Variants in MCC observed in about 807,000 individuals in gnomAD.
The protein encoded by MCC is MCC regulator of Wnt signaling pathway.
MCC carries 90 observed loss-of-function variants against 116.2 expected under a neutral mutation model. That is an observed-to-expected ratio of 0.77 (90% CI 0.65 to 0.92). The LOEUF (loss-of-function observed/expected upper bound fraction) is 0.92, where lower values mean the gene tolerates loss of function less well. Among genes scored for constraint, MCC ranks in the 40% least tolerant of loss-of-function variants. The pLI, the probability that MCC is intolerant of heterozygous loss-of-function variation, is 0.00. For synonymous variants in MCC, 578 were observed against 510.5 expected, an observed-to-expected ratio of 1.13 and a Z score of -1.78; for missense variants, 1,516 against 1,312.2, an observed-to-expected ratio of 1.16 and a Z score of -2.40.
chr5:113,073,908 A>C (rs977553680), intron 11 of MCC, among the ~76,000 whole-genome samples: 2 of 152,222 alleles, frequency 1.3e-5, no homozygotes, highest in Non-Finnish European at 2.9e-5. Context: ...AGCCCACCGC[A>C]GTTCAAGGAG....
chr5:113,030,363 C>G (rs1415195904), intron 17 of MCC, among the ~76,000 whole-genome samples: 1 of 152,092 alleles, frequency 6.6e-6, no homozygotes, highest in African/African-American at 2.4e-5. Flanking sequence ...CCGAAATGCT[C>G]TGCTTGAAAA....
At chr5:113,172,019 C>T (rs1411452813) in intron 3 of MCC, among the ~76,000 whole-genome samples, 5 of 152,156 alleles carry the variant, frequency 3.3e-5, no homozygotes. Context: ...ACTATGGGAG[C>T]ACTGAGGGGG....
At chr5:113,076,406 C>G (rs6594675) in intron 11 of MCC, among the ~76,000 whole-genome samples, 69,477 of 151,982 alleles carry the variant, frequency 0.46, 17,477 homozygotes, top group African/African-American at 0.69. Flanking sequence ...AGGGCAGCCA[C>G]AGAGAAAGGT....
intron 1 of MCC, among the ~76,000 whole-genome samples, chr5:113,474,562 A>G (rs1396302276): frequency 6.6e-6 from 1 of 152,190 alleles, no homozygotes; most frequent in Non-Finnish European, 1.5e-5. Context: ...ACTTATCTGT[A>G]AGGAACAGGC....
At chr5:113,462,993 G>A (rs530358557) in intron 1 of MCC, among the ~76,000 whole-genome samples, 2 of 152,270 alleles carry the variant, frequency 1.3e-5, no homozygotes, top group East Asian at 1.9e-4. Context: ...AATATTAAAA[G>A]AAAGAAGATA....
intron 3 of MCC, among the ~76,000 whole-genome samples, chr5:113,282,769 T>A (rs544028729): frequency 7.2e-5 from 11 of 152,276 alleles, no homozygotes; most frequent in African/African-American, 2.6e-4. Context: ...CAATCAAGCA[T>A]GAAAATAAAT....
chr5:113,228,590 AG>A (rs1763831363), intron 3 of MCC, among the ~76,000 whole-genome samples: 1 of 152,164 alleles, frequency 6.6e-6, no homozygotes, highest in East Asian at 1.9e-4. Flanking sequence ...AGGTGGTGGT[AG>A]GGGTAGGGTA....
chr5:113,094,789 C>G (rs1755904880), intron 8 of MCC, among the ~76,000 whole-genome samples: 1 of 152,134 alleles, frequency 6.6e-6, no homozygotes, highest in Non-Finnish European at 1.5e-5. Flanking sequence ...CAAGAGCTAG[C>G]CTTGAAGCAG....
At chr5:113,199,023 C>G (rs1762559841) in intron 3 of MCC, among the ~76,000 whole-genome samples, 1 of 152,046 alleles carries the variant, frequency 6.6e-6, no homozygotes, top group East Asian at 1.9e-4. Flanking sequence ...CAAAAATTAG[C>G]CAGGCATGGT....
chr5:113,251,060 A>C (rs1764782473), intron 3 of MCC, among the ~76,000 whole-genome samples: 1 of 152,202 alleles, frequency 6.6e-6, no homozygotes, highest in African/African-American at 2.4e-5. Flanking sequence ...TAACAATACA[A>C]TCAAAAGTGT....
intron 6 of MCC, among the ~76,000 whole-genome samples, chr5:113,111,469 C>T (rs1168233765): frequency 6.6e-6 from 1 of 152,190 alleles, no homozygotes; most frequent in Non-Finnish European, 1.5e-5. Context: ...GCACCCTGAG[C>T]TCCTGGGATA....
At chr5:113,404,600 G>C (rs1769781306) in intron 1 of MCC, among the ~76,000 whole-genome samples, 1 of 152,198 alleles carries the variant, frequency 6.6e-6, no homozygotes, top group Non-Finnish European at 1.5e-5. Flanking sequence ...TCCATTTCTA[G>C]AAATGTATCC....
At chr5:113,409,032 G>C (rs190457078) in intron 1 of MCC, among the ~76,000 whole-genome samples, 4 of 152,312 alleles carry the variant, frequency 2.6e-5, no homozygotes, top group African/African-American at 9.6e-5. Context: ...GCCTGCTAAA[G>C]AGTAATAAAT....
At chr5:113,082,389 C>A (rs558933085) in intron 11 of MCC, among the ~76,000 whole-genome samples, 1 of 152,218 alleles carries the variant, frequency 6.6e-6, no homozygotes, top group Admixed American at 6.5e-5. Flanking sequence ...TTTCCAGTAG[C>A]TCCAAGTGCC....
At chr5:113,243,342 G>C (rs780826420) in intron 3 of MCC, among the ~76,000 whole-genome samples, 2 of 151,972 alleles carry the variant, frequency 1.3e-5, no homozygotes, top group African/African-American at 2.4e-5. Flanking sequence ...ACAAAGCTTC[G>C]GCAGCTATAG....
At chr5:113,470,051 C>T (rs1477099961) in intron 1 of MCC, among the ~76,000 whole-genome samples, 1 of 152,068 alleles carries the variant, frequency 6.6e-6, no homozygotes, top group African/African-American at 2.4e-5. Flanking sequence ...TTCCTCCATC[C>T]CTTTATTTTG....
At chr5:113,155,934 G>A (rs1470166186) in intron 3 of MCC, among the ~76,000 whole-genome samples, 1 of 152,212 alleles carries the variant, frequency 6.6e-6, no homozygotes, top group African/African-American at 2.4e-5. Flanking sequence ...CCAGTGCGAT[G>A]TAAGCAGAAA....
At chr5:113,307,411 T>C (rs1213856674) in intron 3 of MCC, among the ~76,000 whole-genome samples, 1 of 152,240 alleles carries the variant, frequency 6.6e-6, no homozygotes, top group Admixed American at 6.5e-5. Flanking sequence ...TTTAATCTAT[T>C]GTAAATGAAA....
At position 113,302,989 on chromosome 5, in the gene MCC, C is replaced by T. The variant is rs548263931; in HGVS notation, c.627+37530G>A. Among the ~76,000 whole-genome samples the T allele has an allele frequency of 6.6e-5, 10 of 152,052 alleles. No homozygotes were observed. In the South Asian group the frequency reaches 1.5e-3, roughly 22 times the overall value. On this transcript the variant is annotated intron_variant, in intron 3 of 18. Coordinates refer to ENST00000408903, the MANE Select transcript of MCC (RefSeq NM_001085377.2). The stretch of plus-strand genomic sequence containing the variant: ...AGATGTATTTTTTAGGTAAAACTGA[C>T]CAGGATTCAGTGAATGATTGGATAC...
Sources: allele counts gnomAD v4.1 joint callset (sites outside exome capture counted in the v4.1 genomes callset), GRCh38; gene constraint gnomAD v4.1.1; transcripts MANE v1.5; gene names NCBI Gene and HGNC (gene_info 2026-07-23, HGNC 2026-07-21).